The following NREP variants were observed in gnomAD, a reference collection of about 807,000 sequenced individuals.
NREP encodes the protein neuronal regeneration-related protein.
In NREP, 5 loss-of-function variants were observed where a neutral mutation model predicts 8.6. The ratio of observed to expected loss-of-function variants is 0.58; its 90% CI spans 0.30 to 1.22. The LOEUF is 1.22. Among genes scored for constraint, NREP ranks in the 50% most tolerant of loss-of-function variants. NREP has a pLI of 0.07. For synonymous variants in NREP, 27 were observed against 28.0 expected, an observed-to-expected ratio of 0.96 and a Z score of 0.11; for missense variants, 86 against 82.5, an observed-to-expected ratio of 1.04 and a Z score of -0.17.
At chr5:111,908,450 T>G (rs1226974246) in intron 2 of NREP, among the ~76,000 whole-genome samples, 1 of 151,870 alleles carries the variant, frequency 6.6e-6, no homozygotes, top group African/African-American at 2.4e-5. Flanking sequence ...ACTCTAGGAG[T>G]CACCAGTGTC....
At chr5:111,831,898 G>A (rs540599649) in intron 2 of NREP, among the ~76,000 whole-genome samples, 8 of 152,186 alleles carry the variant, frequency 5.3e-5, no homozygotes, top group African/African-American at 1.7e-4. Context: ...CCTCTTGTGG[G>A]GTTGACATCC....
chr5:111,914,917 C>T (rs1036787607), intron 2 of NREP, among the ~76,000 whole-genome samples: 4 of 152,072 alleles, frequency 2.6e-5, no homozygotes, highest in African/African-American at 9.7e-5. Flanking sequence ...CCATTTTTAT[C>T]AAAATCTTGC....
chr5:111,840,300 G>C (rs899726327), intron 2 of NREP, among the ~76,000 whole-genome samples: 28 of 151,914 alleles, frequency 1.8e-4, no homozygotes, highest in African/African-American at 6.5e-4. Flanking sequence ...GTGGTTATTT[G>C]TTTTGTTTGC....
chr5:111,757,733 C>T, upstream of NREP: 1 of 984,690 alleles, frequency 1.0e-6, no homozygotes, highest in South Asian at 4.7e-5. Context: ...CGGCCCCGCC[C>T]CGGGAGCACG....
chr5:111,774,606 G>A (rs1751314663), intron 2 of NREP, among the ~76,000 whole-genome samples: 1 of 152,140 alleles, frequency 6.6e-6, no homozygotes, highest in African/African-American at 2.4e-5. Flanking sequence ...GGAGATGGAG[G>A]GGCAATATAA....
chr5:111,946,201 A>G (rs1038602739), intron 2 of NREP, among the ~76,000 whole-genome samples: 2 of 151,694 alleles, frequency 1.3e-5, no homozygotes, highest in Non-Finnish European at 2.9e-5. Flanking sequence ...TGTCAAGTTA[A>G]TTCAATTTTA....
intron 2 of NREP, among the ~76,000 whole-genome samples, chr5:111,861,799 A>T (rs1753549877): frequency 6.6e-6 from 1 of 152,188 alleles, no homozygotes; most frequent in African/African-American, 2.4e-5. Flanking sequence ...CCCCAGTAAA[A>T]TTCTAAATAT....
intron 2 of NREP, among the ~76,000 whole-genome samples, chr5:111,955,205 G>A (rs1481888885): frequency 6.6e-6 from 1 of 152,062 alleles, no homozygotes; most frequent in East Asian, 1.9e-4. Flanking sequence ...CCTTCTCTCA[G>A]CCAGCATTTG....
intron 2 of NREP, among the ~76,000 whole-genome samples, chr5:111,836,876 C>A (rs985788222): frequency 6.6e-6 from 1 of 151,988 alleles, no homozygotes; most frequent in Non-Finnish European, 1.5e-5. Flanking sequence ...GAATAAGACA[C>A]TTCTTTCTGG....
At chr5:111,942,693 T>C (rs893669253) in intron 2 of NREP, among the ~76,000 whole-genome samples, 1 of 150,926 alleles carries the variant, frequency 6.6e-6, no homozygotes, top group Non-Finnish European at 1.5e-5. Context: ...GAAAATAGAG[T>C]TTTATACTCC....
At chr5:111,933,707 T>G (rs1353878276) in intron 2 of NREP, among the ~76,000 whole-genome samples, 5 of 152,106 alleles carry the variant, frequency 3.3e-5, no homozygotes, top group Non-Finnish European at 7.4e-5. Context: ...TCAGCAAGTC[T>G]GAGAAGGGTA....
chr5:111,782,178 A>C (rs967888538), intron 2 of NREP, among the ~76,000 whole-genome samples: 2 of 152,192 alleles, frequency 1.3e-5, no homozygotes, highest in African/African-American at 4.8e-5. Flanking sequence ...ATTTACTGTA[A>C]CATATTAACC....
chr5:111,748,347 T>C (rs1452813355), intron 2 of NREP, among the ~76,000 whole-genome samples: 1 of 152,172 alleles, frequency 6.6e-6, no homozygotes, highest in African/African-American at 2.4e-5. Context: ...TTTCCCGGAA[T>C]GCCTGACTTA....
At chr5:111,919,544 T>C (rs1157066676) in intron 2 of NREP, among the ~76,000 whole-genome samples, 1 of 151,946 alleles carries the variant, frequency 6.6e-6, no homozygotes, top group Non-Finnish European at 1.5e-5. Flanking sequence ...TATGCAGCCA[T>C]AAAAAAGGAT....
upstream of NREP, chr5:111,757,727 C>G: frequency 1.0e-6 from 1 of 984,760 alleles, no homozygotes; most frequent in Non-Finnish European, 1.2e-6. Context: ...GCGCCCCGGC[C>G]CCGCCCCGGG....
chr5:111,906,093 A>G (rs547141052), intron 2 of NREP, among the ~76,000 whole-genome samples: 1 of 152,202 alleles, frequency 6.6e-6, no homozygotes, highest in South Asian at 2.1e-4. Flanking sequence ...AGTATAAAAC[A>G]TTTATGAATT....
At chr5:111,838,353 C>T (rs1752945470) in intron 2 of NREP, among the ~76,000 whole-genome samples, 1 of 152,082 alleles carries the variant, frequency 6.6e-6, no homozygotes, top group Non-Finnish European at 1.5e-5. Context: ...CAGGAATAAG[C>T]TAAATAATAC....
chr5:111,956,354 T>C (rs1756318667), intron 2 of NREP, among the ~76,000 whole-genome samples: 1 of 152,056 alleles, frequency 6.6e-6, no homozygotes, highest in Non-Finnish European at 1.5e-5. Context: ...TTCAAAGACA[T>C]GAAAAAATAC....
intron 2 of NREP, among the ~76,000 whole-genome samples, chr5:111,914,183 G>T (rs1470411638): frequency 6.6e-6 from 1 of 152,084 alleles, no homozygotes; most frequent in Non-Finnish European, 1.5e-5. Context: ...AAGTGAAGTA[G>T]AGGTTCCTCT....
Sources: gnomAD v4.1 joint callset for allele counts (sites outside exome capture counted in the v4.1 genomes callset) on GRCh38, gnomAD v4.1.1 for gene constraint, MANE v1.5 for transcripts, NCBI Gene and HGNC (gene_info 2026-07-23, HGNC 2026-07-21) for gene names.